The following MIIP variants were observed in gnomAD, a reference collection of about 807,000 sequenced individuals.
MIIP encodes migration and invasion inhibitory protein, also known as migration and invasion-inhibitory protein.
MIIP carries 44 observed loss-of-function variants against 44.8 expected under a neutral mutation model. The ratio of observed to expected loss-of-function variants is 0.98; its 90% CI spans 0.77 to 1.26. The LOEUF is 1.26. Ranked by LOEUF, MIIP falls within the 50% of genes most tolerant of loss-of-function variation. MIIP has a pLI of 0.00. For synonymous variants in MIIP, 225 were observed against 218.3 expected, an observed-to-expected ratio of 1.03 and a Z score of -0.27; for missense variants, 496 against 511.7, an observed-to-expected ratio of 0.97 and a Z score of 0.30.
chr1:12,023,468 A>G (rs1280140367), intron 4 of MIIP, among the ~76,000 whole-genome samples: 3 of 150,180 alleles, frequency 2.0e-5, no homozygotes, highest in South Asian at 2.1e-4. Context: ...AAGTGGCGCA[A>G]TCTCGGCTCA....
At chr1:12,030,825 C>T (rs1467960756) in intron 8 of MIIP, among the ~76,000 whole-genome samples, 2 of 151,506 alleles carry the variant, frequency 1.3e-5, no homozygotes, top group Non-Finnish European at 2.9e-5. Flanking sequence ...GATGGGGTGC[C>T]AGTGGCAACT....
intron 9 of MIIP, 57 bp from the exon 10 acceptor site, chr1:12,031,665 G>T: frequency 1.2e-6 from 2 of 1,613,748 alleles, no homozygotes; most frequent in South Asian, 2.2e-5. Flanking sequence ...GGCTGGAACT[G>T]GGGATGACCT....
intron 1 of MIIP, among the ~76,000 whole-genome samples, chr1:12,019,873 A>G (rs1222105658): frequency 6.6e-6 from 1 of 152,252 alleles, no homozygotes; most frequent in African/African-American, 2.4e-5. Flanking sequence ...GGTGTGGCCC[A>G]GAGCCACTTG....
intron 4 of MIIP, among the ~76,000 whole-genome samples, chr1:12,027,413 C>T (rs1227051536): frequency 6.6e-6 from 1 of 152,188 alleles, no homozygotes; most frequent in African/African-American, 2.4e-5. Flanking sequence ...CCCAGCTTAG[C>T]CCTCATCCAC....
At chr1:12,030,633 G>T (rs1483252676) in intron 8 of MIIP, among the ~76,000 whole-genome samples, 1 of 135,892 alleles carries the variant, frequency 7.4e-6, no homozygotes, top group East Asian at 2.2e-4. Flanking sequence ...CATGGTCTCA[G>T]CTCACTGCAG....
chr1:12,021,419 C>G (rs1192594683), intron 1 of MIIP, among the ~76,000 whole-genome samples: 1 of 149,960 alleles, frequency 6.7e-6, no homozygotes, highest in African/African-American at 2.4e-5. Flanking sequence ...AAAAACAAAA[C>G]AAAAAAAAAT....
chr1:12,025,566 C>T (rs771280090), intron 4 of MIIP, among the ~76,000 whole-genome samples: 7 of 152,184 alleles, frequency 4.6e-5, no homozygotes, highest in Non-Finnish European at 8.8e-5. Context: ...GATCATGTCA[C>T]TCCCCTACTC....
Position 12,022,283 on chromosome 1 carries a change from G to C in MIIP, c.303G>C (p.Gln101His), listed in dbSNP as rs747075444. 1 of 1,613,822 alleles carries C rather than the reference G, an allele frequency of 6.2e-7. No individual in the cohort carries two copies. Among genetic ancestry groups the C allele is most frequent in the Non-Finnish European group, 8.5e-7 (1 of 1,179,988 alleles). Residue 101 changes from glutamine to histidine, a missense_variant, in exon 3 of 10, where the codon CAG (glutamine) becomes CAC (histidine). Physicochemically the swap from Gln to His is conservative, Grantham distance 24. Coordinates refer to ENST00000235332, the MANE Select transcript of MIIP (RefSeq NM_021933.4). ...GVASLPPAKCQHQESLGRPRP... is the reference protein window; with the variant it reads ...GVASLPPAKCHHQESLGRPRP... ...CCTCTCTCCCACCTGCCAAATGCCA[G>C]CACCAGGAGTCCCTGGGCCGACCGA...
At chr1:12,026,679 C>G (rs970130203) in intron 4 of MIIP, among the ~76,000 whole-genome samples, 9 of 152,222 alleles carry the variant, frequency 5.9e-5, no homozygotes, top group African/African-American at 2.2e-4. Flanking sequence ...ATGCTCCCTG[C>G]ACCAGGCACC....
At position 12,029,106 on chromosome 1, in the gene MIIP, A is replaced by G. The variant is rs2295284; in HGVS notation, c.621A>G (p.Glu207=). Residue 207 remains glutamate (E), a synonymous_variant, in exon 5 of 10, where the codon GAA becomes GAG. Transcript: ENST00000235332. The stretch of plus-strand genomic sequence containing the variant: ...TCTCCAAGCTGCAGGAGTTTCGGGA[A>G]ACCAACAAGGAGGAGTGTATCTGCA... ...AFFSKLQEFR[E]TNKEECICSH... is the part of the protein sequence containing the mutation. The G allele has an allele frequency of 1.5e-3, 2,357 of 1,614,154 alleles. 47 individuals carry two copies. The East Asian group carries it at 0.036, about 24-fold the overall frequency.
chr1:12,021,955 G>A lies in MIIP; in HGVS notation c.114+115G>A. ...CCCATTTTACTGATGATGGGACATT[G>A]AGGGCTGGGGAGGGAAGAGACTGGC... On this transcript the variant is annotated intron_variant, in intron 2 of 9. Coordinates refer to ENST00000235332, the MANE Select transcript of MIIP (RefSeq NM_021933.4). 3 of 1,227,626 alleles carry A rather than the reference G, an allele frequency of 2.4e-6. No individual in the cohort carries two copies. The South Asian group carries it at 4.3e-5, about 18-fold the overall frequency. The allele number at this position is 1,227,626 out of a possible 1,614,324, so 76.0% of individuals were successfully genotyped here. A position where few individuals can be genotyped will look rare whatever the true frequency, so the allele number is the denominator to read the frequency against.
rs1023492199 is a variant in MIIP, at chr1:12,031,750, C to A, written c.1109C>A (p.Thr370Asn). Residue 370 changes from threonine to asparagine, a missense_variant, in exon 10 of 10, where the codon ACC becomes AAC. Physicochemically the swap from Thr to Asn is moderately conservative, Grantham distance 65. Transcript: ENST00000235332. ...TCACCAATGCAGATGCTGCCCCCGA[C>A]CCCGACCTGGTCAGTGCCCCAGGTC... ...PASPMQMLPP[T>N]PTWSVPQVPR... 1.2e-6 allele frequency: 2 copies of A among 1,613,966 alleles called. No individual in the cohort carries two copies. The highest frequency in any genetic ancestry group is 1.7e-6 in the Non-Finnish European group (2 of 1,179,988).
In MIIP at chr1:12,030,619, T is replaced by C. The variant is rs114876986; in HGVS notation, c.942+495T>C. Among the ~76,000 whole-genome samples the C allele has an allele frequency of 5.5e-3, 746 of 136,052 alleles. 2 individuals are homozygous for C. The highest frequency in any genetic ancestry group is 8.5e-3 in the Non-Finnish European group (549 of 64,752). 89.3% of individuals were successfully genotyped at this position (136,052 alleles called of 152,430 possible). A position where few individuals can be genotyped will look rare whatever the true frequency, so the allele number is the denominator to read the frequency against. On this transcript the variant is annotated intron_variant, in intron 8 of 9. Transcript: ENST00000235332. ...TTCTTACTGCCCAGGCTGGAGTGCA[T>C]TGGCATGGTCTCAGCTCACTGCAGC... is the stretch of plus-strand genomic sequence containing the variant.
intron 1 of MIIP, among the ~76,000 whole-genome samples, chr1:12,020,071 G>A (rs1639938077): frequency 6.6e-6 from 1 of 152,376 alleles, no homozygotes; most frequent in African/African-American, 2.4e-5. Flanking sequence ...TGGGGGGCAA[G>A]GGCTGGGAGG....
chr1:12,031,576 C>G, intron 9 of MIIP, 146 bp from the exon 10 acceptor site: 5 of 1,597,962 alleles, frequency 3.1e-6, no homozygotes, highest in Non-Finnish European at 4.3e-6. Flanking sequence ...AGCCATCCCT[C>G]GGAACTCCTC....
chr1:12,029,523 CAGTG>C (rs1640181112), intron 6 of MIIP: 1 of 686,590 alleles, frequency 1.5e-6, no homozygotes, highest in Non-Finnish European at 2.4e-6. Context: ...CCCTCCCCAG[CAGTG>C]CCCCTGTGCT....
At chr1:12,029,470 C>G (rs1640179707) in intron 6 of MIIP, 189 bp downstream of exon 6, 1 of 728,890 alleles carries the variant, frequency 1.4e-6, no homozygotes, top group African/African-American at 1.8e-5. Flanking sequence ...TGAGCTAAGG[C>G]CTGGCCACCG....
chr1:12,028,738 C>T (rs1443715553), intron 4 of MIIP: 3 of 409,964 alleles, frequency 7.3e-6, no homozygotes, highest in Non-Finnish European at 1.4e-5. Context: ...TCATTAAGGC[C>T]AGGGGCTTTG....
At position 12,029,153 on chromosome 1, in the gene MIIP, C is replaced by A. The variant is rs201409138; in HGVS notation, c.656+12C>A. On this transcript the variant is annotated intron_variant, in intron 5 of 9. Coordinates refer to ENST00000235332, the MANE Select transcript of MIIP (RefSeq NM_021933.4). Reference sequence around the variant, plus strand: ...TGCAGCCATCCTGAGTGAGCAGGGGCGGGCGAGGGTGGGCGAGGGCGGCTG... The same window carrying A: ...TGCAGCCATCCTGAGTGAGCAGGGGAGGGCGAGGGTGGGCGAGGGCGGCTG... 6.5e-7 allele frequency: 1 copy of A among 1,527,936 alleles called. No homozygotes were observed. The highest frequency in any genetic ancestry group is 9.1e-7 in the Non-Finnish European group (1 of 1,102,820). The allele number at this position is 1,527,936 out of a possible 1,614,324, so 94.6% of individuals were successfully genotyped here.
Sources: allele counts gnomAD v4.1 joint callset (sites outside exome capture counted in the v4.1 genomes callset), GRCh38; gene constraint gnomAD v4.1.1; transcripts MANE v1.5; gene names NCBI Gene and HGNC (gene_info 2026-07-23, HGNC 2026-07-21).